CHLSN: variants seen among roughly 807,000 people sequenced by gnomAD.
CHLSN encodes protein cholesin.
chr7:1,065,360 A>G, the CHLSN span, among the ~76,000 whole-genome samples: 1 of 152,282 alleles, frequency 6.6e-6, no homozygotes. Flanking sequence ...AAGCACCTGT[A>G]TACAAATGTT....
chr7:1,136,623 A>C, the CHLSN span, among the ~76,000 whole-genome samples: 1 of 145,534 alleles, frequency 6.9e-6, no homozygotes, highest in African/African-American at 2.5e-5. Flanking sequence ...TAAATATATA[A>C]AAATAAATAT....
the CHLSN span, chr7:1,009,874 G>A: frequency 4.8e-5 from 62 of 1,285,096 alleles, 1 homozygote; most frequent in East Asian, 9.1e-4. Context: ...GTGTGTGCGA[G>A]TGAAGGCTTC....
chr7:1,050,192 G>A, the CHLSN span, among the ~76,000 whole-genome samples: 1 of 152,256 alleles, frequency 6.6e-6, no homozygotes, highest in African/African-American at 2.4e-5. Flanking sequence ...TCCTTTCCCA[G>A]CCTGCCTGTG....
At chr7:985,279 C>T in the CHLSN span, 3 of 1,551,756 alleles carry the variant, frequency 1.9e-6, no homozygotes, top group Non-Finnish European at 2.6e-6. Flanking sequence ...CCTGCTGGGT[C>T]TCATCGATGA....
At chr7:1,113,897 G>T in the CHLSN span, among the ~76,000 whole-genome samples, 1 of 152,190 alleles carries the variant, frequency 6.6e-6, no homozygotes, top group African/African-American at 2.4e-5. Context: ...TCTGCTCCGG[G>T]GCTCTTCTCA....
chr7:1,002,940 T>C, the CHLSN span, among the ~76,000 whole-genome samples: 13 of 100,778 alleles, frequency 1.3e-4, no homozygotes, highest in African/African-American at 4.7e-4. Context: ...GGGAGTCCTG[T>C]GGGTGAGTGG....
chr7:990,579 C>T, the CHLSN span, among the ~76,000 whole-genome samples: 417 of 152,172 alleles, frequency 2.7e-3, 4 homozygotes, highest in African/African-American at 9.7e-3. Context: ...CGGCAGGCCT[C>T]ACACTCCCAG....
At chr7:1,048,330 G>C in the CHLSN span, among the ~76,000 whole-genome samples, 7 of 152,282 alleles carry the variant, frequency 4.6e-5, no homozygotes, top group South Asian at 1.5e-3. Context: ...CATCAAAAGC[G>C]ATGGCTTTTG....
the CHLSN span, chr7:983,288 C>T: frequency 2.3e-5 from 36 of 1,543,482 alleles, no homozygotes; most frequent in Middle Eastern, 2.3e-4. Context: ...CAAGACCCCT[C>T]CCCAGCTGCC....
At chr7:988,637 C>T in the CHLSN span, 48 of 1,602,800 alleles carry the variant, frequency 3.0e-5, no homozygotes, top group South Asian at 6.6e-5. Context: ...CCCCGCAGGC[C>T]GCCGCGTCTG....
At chr7:1,019,454 T>G in the CHLSN span, among the ~76,000 whole-genome samples, 1 of 152,190 alleles carries the variant, frequency 6.6e-6, no homozygotes, top group South Asian at 2.1e-4. Flanking sequence ...AGAGGCTTCC[T>G]GGCACCGTGA....
At chr7:1,105,707 C>A in the CHLSN span, among the ~76,000 whole-genome samples, 1 of 151,892 alleles carries the variant, frequency 6.6e-6, no homozygotes. Flanking sequence ...CTCCGCCTCA[C>A]GGGTTCAGGC....
At chr7:1,112,398 G>A in the CHLSN span, among the ~76,000 whole-genome samples, 1 of 152,220 alleles carries the variant, frequency 6.6e-6, no homozygotes. Context: ...GCCTCCACCT[G>A]CTCACTCTGA....
At chr7:978,813 C>A in the CHLSN span, among the ~76,000 whole-genome samples, 1 of 152,262 alleles carries the variant, frequency 6.6e-6, no homozygotes, top group Admixed American at 6.5e-5. Context: ...GCAGTCATTA[C>A]CCGTGAACTT....
the CHLSN span, among the ~76,000 whole-genome samples, chr7:1,124,745 CAA>C: frequency 4.9e-5 from 6 of 122,124 alleles, no homozygotes; most frequent in Admixed American, 8.2e-5. Context: ...TAAAAAAGCA[CAA>C]AAAAAAAAAA....
the CHLSN span, chr7:1,093,872 G>A: frequency 5.8e-6 from 2 of 343,456 alleles, no homozygotes; most frequent in African/African-American, 2.2e-5. Context: ...GTGGGCATGG[G>A]GCACTCGGGA....
At chr7:1,072,110 G>A in the CHLSN span, among the ~76,000 whole-genome samples, 3 of 152,196 alleles carry the variant, frequency 2.0e-5, no homozygotes, top group African/African-American at 4.8e-5. Context: ...TGGCCTAAGC[G>A]GGGATCCAAG....
chr7:1,073,307 G>C, the CHLSN span, among the ~76,000 whole-genome samples: 4 of 152,106 alleles, frequency 2.6e-5, no homozygotes, highest in Non-Finnish European at 5.9e-5. Context: ...AAGCAACACT[G>C]CCCTCCCTCC....
the CHLSN span, among the ~76,000 whole-genome samples, chr7:980,302 A>G: frequency 6.6e-6 from 1 of 151,416 alleles, no homozygotes; most frequent in African/African-American, 2.4e-5. Flanking sequence ...CCTCCTGGTC[A>G]CAGAGATGGC....
Sources: allele counts gnomAD v4.1 joint callset (sites outside exome capture counted in the v4.1 genomes callset), GRCh38; gene constraint gnomAD v4.1.1; transcripts MANE v1.5; gene names NCBI Gene and HGNC (gene_info 2026-07-23, HGNC 2026-07-21).